The following GLIS3 variants were observed in gnomAD, a reference collection of about 807,000 sequenced individuals.
GLIS3 encodes the protein zinc finger protein GLIS3.
A neutral mutation model predicts 78.6 loss-of-function variants in GLIS3; 53 were observed. The observed-to-expected ratio is 0.67, with a 90% CI of 0.54 to 0.85. GLIS3 has a LOEUF of 0.85. Ranked by LOEUF, GLIS3 falls within the 40% of genes least tolerant of loss-of-function variation. GLIS3 has a pLI of 0.00. For missense variants in GLIS3, 1,703 were observed against 1,231.1 expected (o/e 1.38, Z -5.74); for synonymous variants, 684 against 509.9 (o/e 1.34, Z -4.60).
chr9:3,829,600 CT>C, intron 9 of GLIS3, 108 bp from the exon 10 acceptor site: 5 of 1,092,616 alleles, frequency 4.6e-6, no homozygotes, highest in Non-Finnish European at 5.5e-6. Context: ...AGACAAATGC[CT>C]TTAACTCTTA....
intron 4 of GLIS3, among the ~76,000 whole-genome samples, chr9:4,092,938 A>G (rs988546238): frequency 6.6e-6 from 1 of 152,116 alleles, no homozygotes; most frequent in African/African-American, 2.4e-5. Flanking sequence ...CACCAGAATC[A>G]CCCCCATGCA....
At chr9:4,466,213 G>C in the GLIS3 span, among the ~76,000 whole-genome samples, 1 of 152,160 alleles carries the variant, frequency 6.6e-6, no homozygotes, top group African/African-American at 2.4e-5. Context: ...AGATGAAATA[G>C]ACAATTCATT....
At chr9:4,190,613 A>T (rs1563727439) in intron 2 of GLIS3, among the ~76,000 whole-genome samples, 1 of 151,484 alleles carries the variant, frequency 6.6e-6, no homozygotes, top group Non-Finnish European at 1.5e-5. Context: ...ACTCTGCAGG[A>T]TATTATCCAG....
At chr9:4,174,334 A>G (rs1248087775) in intron 2 of GLIS3, among the ~76,000 whole-genome samples, 1 of 152,210 alleles carries the variant, frequency 6.6e-6, no homozygotes, top group African/African-American at 2.4e-5. Context: ...TGGACATGCC[A>G]AGGAAAATAT....
the GLIS3 span, among the ~76,000 whole-genome samples, chr9:4,423,314 G>C: frequency 1.3e-5 from 2 of 152,160 alleles, no homozygotes; most frequent in African/African-American, 4.8e-5. Context: ...CCACACGGAA[G>C]GGCGGCTATT....
At chr9:3,970,772 C>A (rs780095444) in intron 4 of GLIS3, among the ~76,000 whole-genome samples, 1 of 152,068 alleles carries the variant, frequency 6.6e-6, no homozygotes, top group Non-Finnish European at 1.5e-5. Context: ...GAACAATTTA[C>A]CAAGTAAATA....
chr9:4,119,710 T>G (rs754687559), intron 3 of GLIS3, among the ~76,000 whole-genome samples: 2 of 152,228 alleles, frequency 1.3e-5, no homozygotes, highest in Non-Finnish European at 2.9e-5. Flanking sequence ...TGTAATTGAC[T>G]TTTGCAACAA....
chr9:4,195,919 C>T (rs767074086), intron 2 of GLIS3, among the ~76,000 whole-genome samples: 4 of 152,230 alleles, frequency 2.6e-5, no homozygotes, highest in Non-Finnish European at 2.9e-5. Flanking sequence ...CACCAATCAG[C>T]ACTTTGTATC....
intron 7 of GLIS3, among the ~76,000 whole-genome samples, chr9:3,889,610 G>T (rs900592600): frequency 6.6e-6 from 1 of 152,152 alleles, no homozygotes; most frequent in Non-Finnish European, 1.5e-5. Flanking sequence ...CTTTATGGAT[G>T]CCTTGATTTC....
At chr9:4,304,819 T>C (rs1184838983), upstream of GLIS3, among the ~76,000 whole-genome samples, 1 of 152,160 alleles carries the variant, frequency 6.6e-6, no homozygotes, top group African/African-American at 2.4e-5. Flanking sequence ...CTTGGAGATT[T>C]TCCACAAATC....
intron 2 of GLIS3, among the ~76,000 whole-genome samples, chr9:4,177,234 T>A (rs1295695871): frequency 6.6e-6 from 1 of 152,200 alleles, no homozygotes; most frequent in African/African-American, 2.4e-5. Context: ...TATTTCCCCT[T>A]TATGAGTGGT....
intron 2 of GLIS3, among the ~76,000 whole-genome samples, chr9:4,207,416 T>G (rs1049941747): frequency 2.0e-5 from 3 of 152,192 alleles, no homozygotes; most frequent in Non-Finnish European, 2.9e-5. Context: ...AAAGAAACAT[T>G]TGCAGGATTA....
At chr9:3,896,155 T>G (rs1312645787) in intron 7 of GLIS3, among the ~76,000 whole-genome samples, 1 of 152,198 alleles carries the variant, frequency 6.6e-6, no homozygotes, top group African/African-American at 2.4e-5. Flanking sequence ...TCCATAGATC[T>G]AGGGCGAAGG....
At chr9:3,919,896 G>C (rs919647021) in intron 6 of GLIS3, among the ~76,000 whole-genome samples, 1 of 151,712 alleles carries the variant, frequency 6.6e-6, no homozygotes, top group Non-Finnish European at 1.5e-5. Flanking sequence ...CCCAGCAAAC[G>C]GGTATTTGGT....
chr9:4,445,875 A>G, the GLIS3 span, among the ~76,000 whole-genome samples: 1 of 152,210 alleles, frequency 6.6e-6, no homozygotes, highest in Admixed American at 6.5e-5. Flanking sequence ...AGAGAACTGG[A>G]AATGGACCTG....
intron 4 of GLIS3, among the ~76,000 whole-genome samples, chr9:4,061,251 T>C (rs980617064): frequency 4.4e-5 from 6 of 134,938 alleles, no homozygotes; most frequent in African/African-American, 1.4e-4. Flanking sequence ...GTGTGTGATG[T>C]TCCCTTTCCT....
intron 2 of GLIS3, among the ~76,000 whole-genome samples, chr9:4,229,460 C>G (rs1053068759): frequency 6.6e-6 from 1 of 152,154 alleles, no homozygotes; most frequent in African/African-American, 2.4e-5. Context: ...ACTGGAATAA[C>G]AGAAAAGTTA....
chr9:3,901,453 T>C (rs1026777767), intron 6 of GLIS3, among the ~76,000 whole-genome samples: 22 of 152,182 alleles, frequency 1.4e-4, no homozygotes, highest in African/African-American at 5.1e-4. Flanking sequence ...AAATTGGCAA[T>C]TCTACAAACA....
At chr9:4,023,799 G>T (rs1387217747) in intron 4 of GLIS3, among the ~76,000 whole-genome samples, 1 of 152,188 alleles carries the variant, frequency 6.6e-6, no homozygotes, top group African/African-American at 2.4e-5. Context: ...CCATGTGACT[G>T]AGGGTGCTGG....
Sources: gnomAD v4.1 joint callset for allele counts (sites outside exome capture counted in the v4.1 genomes callset) on GRCh38, gnomAD v4.1.1 for gene constraint, MANE v1.5 for transcripts, NCBI Gene and HGNC (gene_info 2026-07-23, HGNC 2026-07-21) for gene names.